SDAD1: variants seen among roughly 807,000 people sequenced by gnomAD.
SDAD1 encodes SDA1 domain containing 1.
SDAD1 carries 79 observed loss-of-function variants against 100.3 expected under a neutral mutation model. The ratio of observed to expected loss-of-function variants is 0.79; its 90% confidence interval spans 0.66 to 0.95. SDAD1 has a LOEUF of 0.95. Ranked by LOEUF, SDAD1 falls within the 40% of genes least tolerant of loss-of-function variation. SDAD1 has a pLI of 0.00. For synonymous variants in SDAD1, 267 were observed against 271.4 expected (o/e 0.98, Z 0.16); for missense variants, 790 against 810.9 (o/e 0.97, Z 0.31).
At chr4:75,969,732 T>A (rs150527855) in intron 10 of SDAD1, among the ~76,000 whole-genome samples, 2 of 152,246 alleles carry the variant, frequency 1.3e-5, no homozygotes, top group African/African-American at 4.8e-5. Flanking sequence ...CCTCCCCAGG[T>A]GATCTGTATC....
chr4:75,977,930 GGACA>G (rs1656996016), intron 3 of SDAD1, among the ~76,000 whole-genome samples, 174 bp from the exon 4 acceptor site: 1 of 152,062 alleles, frequency 6.6e-6, no homozygotes, highest in Non-Finnish European at 1.5e-5. Flanking sequence ...GCAGAACGGA[GGACA>G]GACAAGCCAA....
chr4:75,957,319 A>C lies in SDAD1; in HGVS notation c.1854+6T>G. The C allele has an allele frequency of 6.2e-7, 1 of 1,611,048 alleles. No individual in the cohort carries two copies. The highest frequency in any genetic ancestry group is 1.1e-5 in the South Asian group (1 of 90,656). On this transcript the variant is annotated splice_donor_region_variant and intron_variant, in intron 20 of 21. Coordinates refer to ENST00000356260, the MANE Select transcript of SDAD1 (RefSeq NM_018115.4). ...TTAAAAAACTAGGAATGATATGCTC[A>C]CTCACCATTGCAGTTGCTAGTCTTG...
At chr4:75,969,111 C>T (rs1313620250) in intron 11 of SDAD1, among the ~76,000 whole-genome samples, 185 bp downstream of exon 11, 1 of 149,046 alleles carries the variant, frequency 6.7e-6, no homozygotes, top group Admixed American at 6.7e-5. Flanking sequence ...TTAACATCCA[C>T]ATTACTGCAA....
chr4:75,956,922 C>G (rs993966519), intron 20 of SDAD1, among the ~76,000 whole-genome samples: 14 of 152,156 alleles, frequency 9.2e-5, no homozygotes, highest in Non-Finnish European at 1.8e-4. Flanking sequence ...CCAGCCTGGC[C>G]AACATGGCGA....
intron 9 of SDAD1, among the ~76,000 whole-genome samples, chr4:75,970,583 AC>A (rs1729812659): frequency 6.6e-6 from 1 of 152,194 alleles, no homozygotes; most frequent in Admixed American, 6.5e-5. Context: ...AACCATTAGC[AC>A]CTATGAGACT....
intron 17 of SDAD1, among the ~76,000 whole-genome samples, chr4:75,958,358 C>G (rs1184745761): frequency 6.6e-6 from 1 of 152,218 alleles, no homozygotes; most frequent in Non-Finnish European, 1.5e-5. Context: ...CCTGGCCACG[C>G]AGCAGGCATC....
At chr4:75,960,581 G>T (rs1578119132) in intron 16 of SDAD1, among the ~76,000 whole-genome samples, 1 of 152,198 alleles carries the variant, frequency 6.6e-6, no homozygotes, top group Non-Finnish European at 1.5e-5. Flanking sequence ...TTTTGATCTA[G>T]ATCAAGACAC....
intron 16 of SDAD1, 73 bp downstream of exon 16, chr4:75,960,955 T>C: frequency 8.1e-7 from 1 of 1,228,488 alleles, no homozygotes; most frequent in Non-Finnish European, 1.2e-6. Context: ...AGTACTAAAA[T>C]CCTAATTGTA....
intron 3 of SDAD1, among the ~76,000 whole-genome samples, chr4:75,979,108 T>C (rs2149326796): frequency 6.6e-6 from 1 of 151,684 alleles, no homozygotes; most frequent in Admixed American, 6.6e-5. Context: ...AAAAAAAAGT[T>C]TTAAAGTACA....
At chr4:75,966,917 A>C (rs11097191) in intron 12 of SDAD1, among the ~76,000 whole-genome samples, 151,953 of 152,170 alleles carry the variant, frequency 1, 75,868 homozygotes, top group Middle Eastern at 1. Flanking sequence ...CAGGTGCCCG[A>C]CACCACATCC....
intron 3 of SDAD1, among the ~76,000 whole-genome samples, chr4:75,978,537 T>C (rs1730289027): frequency 6.6e-6 from 1 of 152,032 alleles, no homozygotes; most frequent in Non-Finnish European, 1.5e-5. Flanking sequence ...AACTCTTACA[T>C]GTAGCCCTAT....
rs149909782 is a variant in SDAD1, at chr4:75,955,423, G to A, written c.2016+552C>T. On this transcript the variant is annotated intron_variant, in intron 21 of 21. Coordinates refer to ENST00000356260, the MANE Select transcript of SDAD1 (RefSeq NM_018115.4). ...GCCTTTCCACTTGGGAACAAAGAAA[G>A]AGCCCCGTTGCATTGCGGGCTGCTG... 2.4e-4 allele frequency among the ~76,000 whole-genome samples: 37 copies of A among 152,160 alleles called. 1 individual carries two copies. Among genetic ancestry groups the A allele is most frequent in the African/African-American group, 8.7e-4 (36 of 41,500 alleles).
intron 1 of SDAD1, among the ~76,000 whole-genome samples, chr4:75,983,383 G>A (rs1370634514): frequency 6.6e-6 from 1 of 152,148 alleles, no homozygotes; most frequent in African/African-American, 2.4e-5. Context: ...CTTCCACAAT[G>A]GTTAAACTAA....
At chr4:75,976,638 T>A (rs9995007) in intron 4 of SDAD1, among the ~76,000 whole-genome samples, 101,762 of 152,078 alleles carry the variant, frequency 0.67, 34,897 homozygotes, top group East Asian at 0.93. Flanking sequence ...TCAAAAATTG[T>A]TTGCAGTGAT....
chr4:75,963,500 A>G (rs1209108393), intron 14 of SDAD1, among the ~76,000 whole-genome samples: 2 of 152,080 alleles, frequency 1.3e-5, no homozygotes, highest in Non-Finnish European at 2.9e-5. Flanking sequence ...TTTTCATGAT[A>G]TTGATTCTTC....
chr4:75,976,380 T>G (rs560869651), intron 4 of SDAD1, among the ~76,000 whole-genome samples: 1 of 152,320 alleles, frequency 6.6e-6, no homozygotes, highest in South Asian at 2.1e-4. Context: ...GAATATTATT[T>G]GGCAACAAAA....
At chr4:75,963,121 T>C (rs1729341897) in intron 14 of SDAD1, among the ~76,000 whole-genome samples, 1 of 152,236 alleles carries the variant, frequency 6.6e-6, no homozygotes, top group East Asian at 1.9e-4. Flanking sequence ...GCTAGCCAGT[T>C]TTCCCAGCAC....
chr4:75,960,917 A>T (rs1729191839), intron 16 of SDAD1, 111 bp downstream of exon 16: 1 of 858,488 alleles, frequency 1.2e-6, no homozygotes, highest in South Asian at 1.4e-5. Flanking sequence ...GTGCATCATA[A>T]CCATGTAATC....
chr4:75,974,023 C>G (rs1730013517), intron 7 of SDAD1, 53 bp downstream of exon 7: 1 of 1,481,230 alleles, frequency 6.8e-7, no homozygotes, highest in Non-Finnish European at 9.4e-7. Context: ...TAACTGCATG[C>G]AGAAGCAGAC....
Sources: gnomAD v4.1 joint callset for allele counts (sites outside exome capture counted in the v4.1 genomes callset) on GRCh38, gnomAD v4.1.1 for gene constraint, MANE v1.5 for transcripts, NCBI Gene and HGNC (gene_info 2026-07-23, HGNC 2026-07-21) for gene names.